Variants in IKBIP observed in about 807,000 individuals in gnomAD.
The protein encoded by IKBIP is inhibitor of nuclear factor kappa-B kinase-interacting protein.
A neutral mutation model predicts 31.0 loss-of-function variants in IKBIP; 28 were observed. The ratio of observed to expected loss-of-function variants is 0.90; its 90% CI spans 0.67 to 1.24. IKBIP has a LOEUF of 1.24. Ranked by LOEUF, IKBIP falls within the 50% of genes most tolerant of loss-of-function variation. The pLI is 0.00. For synonymous variants in IKBIP, 164 were observed against 160.3 expected, an observed-to-expected ratio of 1.02 and a Z score of -0.17; for missense variants, 453 against 441.9, an observed-to-expected ratio of 1.03 and a Z score of -0.23.
chr12:98,613,968 G>T (rs186661099), exon 3 of IKBIP: 3 of 1,612,790 alleles, frequency 1.9e-6, no homozygotes, highest in African/African-American at 2.7e-5. Context: ...GTTGCTGTTC[G>T]ATCAATACTG....
chr12:98,613,999 A>AT lies in IKBIP; in HGVS notation c.638dup (p.Asn213LysfsTer4), dbSNP rs767428965. ...TACTGCTTGAAAGAAGATCACCTAT[A>AT]TTTTTTACTGTATTTTTTTCTACTT... On this transcript the variant is annotated frameshift_variant, in exon 3 of 3. Transcript: ENST00000342502. LOFTEE classifies it high-confidence loss of function. The AT allele has an allele frequency of 3.1e-6, 5 of 1,610,284 alleles. No homozygotes were observed. The highest frequency in any genetic ancestry group is 4.2e-6 in the Non-Finnish European group (5 of 1,178,478).
intron 2 of IKBIP, among the ~76,000 whole-genome samples, chr12:98,633,510 CTTTTTTTTT>C (rs71432181): frequency 1.6e-5 from 1 of 61,392 alleles, no homozygotes; most frequent in African/African-American, 6.7e-5. Context: ...TTTTTTAATT[CTTTTTTTTT>C]TTTTTTTTTT....
chr12:98,643,128 T>C (rs1157896192), intron 1 of IKBIP, among the ~76,000 whole-genome samples: 6 of 151,938 alleles, frequency 3.9e-5, no homozygotes, highest in Admixed American at 3.9e-4. Flanking sequence ...AATTTTTGTA[T>C]TTTTTGTAGA....
At chr12:98,617,494 G>A (rs9668109) in intron 2 of IKBIP, among the ~76,000 whole-genome samples, 22,012 of 152,220 alleles carry the variant, frequency 0.14, 2,329 homozygotes, top group African/African-American at 0.3. Flanking sequence ...AGCAGTGTTG[G>A]GGAGTTGAGT....
intron 1 of IKBIP, among the ~76,000 whole-genome samples, chr12:98,640,036 G>C (rs1395232004): frequency 1.3e-5 from 2 of 152,212 alleles, no homozygotes; most frequent in Non-Finnish European, 2.9e-5. Flanking sequence ...GATTTATAGA[G>C]AAAATTATAT....
chr12:98,615,073 CAAATT>C (rs2097605528), intron 2 of IKBIP, among the ~76,000 whole-genome samples: 3 of 152,020 alleles, frequency 2.0e-5, no homozygotes, highest in African/African-American at 7.3e-5. Flanking sequence ...GTATAATTGA[CAAATT>C]AAAATTGTAT....
At chr12:98,636,304 C>G (rs1476349257) in intron 1 of IKBIP, among the ~76,000 whole-genome samples, 3 of 152,162 alleles carry the variant, frequency 2.0e-5, no homozygotes, top group Non-Finnish European at 4.4e-5. Context: ...GTTGGAAACT[C>G]AACAGCTTCT....
intron 1 of IKBIP, among the ~76,000 whole-genome samples, chr12:98,637,171 T>C (rs951928649): frequency 1.3e-5 from 2 of 152,190 alleles, no homozygotes; most frequent in South Asian, 4.1e-4. Flanking sequence ...TGATAATTAG[T>C]AGTTTTTTTT....
intron 2 of IKBIP, among the ~76,000 whole-genome samples, chr12:98,617,182 G>A (rs529672290): frequency 1.3e-5 from 2 of 152,340 alleles, no homozygotes; most frequent in Admixed American, 1.3e-4. Context: ...AACTCGAGTT[G>A]TGGCCTCAAC....
At chr12:98,631,462 G>A (rs1460774153) in intron 2 of IKBIP, among the ~76,000 whole-genome samples, 2 of 149,908 alleles carry the variant, frequency 1.3e-5, no homozygotes, top group African/African-American at 4.9e-5. Context: ...TGTGTTTTTA[G>A]TAGAGATGGG....
At chr12:98,623,989 G>A (rs1383745986), downstream of IKBIP, among the ~76,000 whole-genome samples, 3 of 150,804 alleles carry the variant, frequency 2.0e-5, no homozygotes, top group Admixed American at 1.3e-4. Context: ...ACATACAAAC[G>A]CATATATACT....
chr12:98,637,100 ACTT>A lies in IKBIP; in HGVS notation c.180-2690_180-2688del, dbSNP rs531927088. Among the ~76,000 whole-genome samples the A allele has an allele frequency of 3.0e-4, 46 of 152,270 alleles. No homozygotes were observed. The East Asian group carries it at 6.8e-3, about 22-fold the overall frequency. On this transcript the variant is annotated intron_variant, in intron 1 of 2. Coordinates refer to ENST00000299157, the MANE Select transcript of IKBIP (RefSeq NM_153687.4). ...AAATACATTAATGAACTTTCTCAGA[ACTT>A]CTTTTCAAATTCAAGCTTTAAACAC... is the stretch of plus-strand genomic sequence containing the variant.
intron 2 of IKBIP, among the ~76,000 whole-genome samples, chr12:98,627,074 T>A (rs2097615205): frequency 6.6e-6 from 1 of 152,038 alleles, no homozygotes; most frequent in African/African-American, 2.4e-5. Flanking sequence ...GTTCAACGTA[T>A]TCTCTTGCCT....
In IKBIP at chr12:98,642,854, C is replaced by T. The variant is rs552961452; in HGVS notation, c.179+1669G>A. On this transcript the variant is annotated intron_variant, in intron 1 of 2. Transcript: ENST00000299157. ...CCTCAGGTGATCCACCCACCTTGGC[C>T]TCCCAAAGTGCTGGGAGTACAGGCA... 2.6e-3 allele frequency among the ~76,000 whole-genome samples: 398 copies of T among 152,182 alleles called. 1 individual carries two copies. Among genetic ancestry groups the T allele is most frequent in the Non-Finnish European group, 3.7e-3 (253 of 68,008 alleles).
chr12:98,623,124 G>A (rs571841862), downstream of IKBIP, among the ~76,000 whole-genome samples: 36 of 150,548 alleles, frequency 2.4e-4, no homozygotes, highest in Admixed American at 1.4e-3. Context: ...GATTACAGGC[G>A]CCTGCTACCA....
chr12:98,613,756 T>A, exon 3 of IKBIP: 1 of 1,612,612 alleles, frequency 6.2e-7, no homozygotes, highest in Non-Finnish European at 8.5e-7. Flanking sequence ...CTAATGGTTC[T>A]AAACGGGAAA....
intron 2 of IKBIP, among the ~76,000 whole-genome samples, chr12:98,616,036 T>C (rs1028799830): frequency 1.6e-4 from 25 of 152,176 alleles, no homozygotes; most frequent in Admixed American, 7.2e-4. Flanking sequence ...CTGGATCATA[T>C]GATTATTCTT....
At chr12:98,632,471 G>A (rs770811785) in intron 2 of IKBIP, among the ~76,000 whole-genome samples, 5 of 92,458 alleles carry the variant, frequency 5.4e-5, no homozygotes, top group Non-Finnish European at 9.5e-5. Flanking sequence ...ATGACAGGGA[G>A]AGACTCTATC....
At chr12:98,636,169 C>G (rs572597780) in intron 1 of IKBIP, among the ~76,000 whole-genome samples, 33 of 152,324 alleles carry the variant, frequency 2.2e-4, no homozygotes, top group African/African-American at 3.4e-4. Flanking sequence ...CCTGCCTAAA[C>G]ACAGTCCTGA....
Sources: allele counts gnomAD v4.1 joint callset (sites outside exome capture counted in the v4.1 genomes callset), GRCh38; gene constraint gnomAD v4.1.1; transcripts MANE v1.5; gene names NCBI Gene and HGNC (gene_info 2026-07-23, HGNC 2026-07-21).